CTNNA3: variants seen among roughly 807,000 people sequenced by gnomAD.
CTNNA3 encodes catenin alpha-3.
CTNNA3 carries 76 observed loss-of-function variants against 95.7 expected under a neutral mutation model. That is an observed-to-expected ratio of 0.79 (90% confidence interval 0.66 to 0.96). The LOEUF (loss-of-function observed/expected upper bound fraction) is 0.96, where lower values mean the gene tolerates loss of function less well. Among genes scored for constraint, CTNNA3 ranks in the 40% least tolerant of loss-of-function variants. The pLI is 0.00. For missense variants in CTNNA3, 1,191 were observed against 1,089.8 expected (o/e 1.09, Z -1.31); for synonymous variants, 431 against 374.4 (o/e 1.15, Z -1.74).
At chr10:66,146,939 A>G (rs557046774) in intron 13 of CTNNA3, among the ~76,000 whole-genome samples, 1 of 152,280 alleles carries the variant, frequency 6.6e-6, no homozygotes, top group South Asian at 2.1e-4. Context: ...AATAATATGA[A>G]AAGTTTTCCT....
chr10:66,394,861 C>A (rs2092962809), intron 11 of CTNNA3, among the ~76,000 whole-genome samples: 1 of 151,940 alleles, frequency 6.6e-6, no homozygotes, highest in Non-Finnish European at 1.5e-5. Context: ...TTTAAAATAA[C>A]CCCCTAGAGG....
At chr10:67,033,655 T>C (rs1024352113) in intron 7 of CTNNA3, among the ~76,000 whole-genome samples, 1 of 152,174 alleles carries the variant, frequency 6.6e-6, no homozygotes, top group South Asian at 2.1e-4. Context: ...ACTATTATTT[T>C]CCCCATTTTA....
intron 11 of CTNNA3, among the ~76,000 whole-genome samples, chr10:66,401,818 C>G (rs572579774): frequency 1.3e-5 from 2 of 151,818 alleles, no homozygotes; most frequent in Non-Finnish European, 2.9e-5. Flanking sequence ...ACCACCACAC[C>G]CAGCTAATTT....
At chr10:66,507,592 A>G (rs1840494945) in intron 11 of CTNNA3, among the ~76,000 whole-genome samples, 1 of 152,150 alleles carries the variant, frequency 6.6e-6, no homozygotes, top group African/African-American at 2.4e-5. Context: ...GAGTGAGAAC[A>G]TGCAATATTT....
intron 11 of CTNNA3, among the ~76,000 whole-genome samples, chr10:66,397,851 G>A (rs1431227225): frequency 6.6e-6 from 1 of 151,676 alleles, no homozygotes; most frequent in South Asian, 2.1e-4. Flanking sequence ...TGTATATCTT[G>A]GTCTTTATGA....
chr10:67,315,627 C>T (rs1010047098), intron 5 of CTNNA3, among the ~76,000 whole-genome samples: 27 of 151,854 alleles, frequency 1.8e-4, no homozygotes, highest in East Asian at 5.8e-4. Context: ...TCAGTAATAT[C>T]GAAATAATAG....
At chr10:67,298,851 G>A (rs1840149633) in intron 5 of CTNNA3, among the ~76,000 whole-genome samples, 2 of 151,990 alleles carry the variant, frequency 1.3e-5, no homozygotes, top group South Asian at 4.1e-4. Context: ...CATGCTCCAT[G>A]ACCCACATGT....
At chr10:66,361,207 AATCT>A (rs2092671933) in intron 12 of CTNNA3, among the ~76,000 whole-genome samples, 1 of 150,290 alleles carries the variant, frequency 6.7e-6, no homozygotes, top group Non-Finnish European at 1.5e-5. Flanking sequence ...GGGCTCAAGC[AATCT>A]ATCTGTCTCA....
intron 17 of CTNNA3, among the ~76,000 whole-genome samples, chr10:65,940,666 G>A (rs1786908): frequency 6.6e-6 from 1 of 151,904 alleles, no homozygotes; most frequent in African/African-American, 2.4e-5. Flanking sequence ...CCTTTATCCC[G>A]GCAGTGAAAC....
intron 11 of CTNNA3, among the ~76,000 whole-genome samples, chr10:66,490,614 T>G (rs1035626872): frequency 1.3e-5 from 2 of 152,180 alleles, no homozygotes; most frequent in Non-Finnish European, 1.5e-5. Context: ...TTGGGGAACA[T>G]TTCTACAGTA....
chr10:66,755,597 T>C (rs1839332858), intron 9 of CTNNA3, among the ~76,000 whole-genome samples: 1 of 152,116 alleles, frequency 6.6e-6, no homozygotes, highest in Non-Finnish European at 1.5e-5. Context: ...GGCAAGGGTG[T>C]GGAGCAACTG....
At chr10:66,685,283 A>ATT (rs1564617267) in intron 9 of CTNNA3, among the ~76,000 whole-genome samples, 1 of 27,430 alleles carries the variant, frequency 3.6e-5, no homozygotes, top group Non-Finnish European at 6.1e-5. Flanking sequence ...ACGTATATAT[A>ATT]AGTATATATA....
intron 12 of CTNNA3, among the ~76,000 whole-genome samples, chr10:66,285,203 T>C (rs2132172671): frequency 6.6e-6 from 1 of 151,986 alleles, no homozygotes; most frequent in South Asian, 2.1e-4. Flanking sequence ...ATCTGGAATA[T>C]CTTCAAAAAG....
At chr10:67,689,117 T>C (rs542533811) in intron 1 of CTNNA3, among the ~76,000 whole-genome samples, 1 of 152,268 alleles carries the variant, frequency 6.6e-6, no homozygotes, top group African/African-American at 2.4e-5. Context: ...TATTGGGACC[T>C]TACCACTGTC....
chr10:67,729,861 T>C (rs1841264880), intron 1 of CTNNA3, among the ~76,000 whole-genome samples: 1 of 152,148 alleles, frequency 6.6e-6, no homozygotes, highest in Non-Finnish European at 1.5e-5. Context: ...AATCGTTATG[T>C]CCATTTCACC....
intron 11 of CTNNA3, among the ~76,000 whole-genome samples, chr10:66,499,806 C>CTTTT (rs34040723): frequency 7.1e-5 from 10 of 140,668 alleles, no homozygotes; most frequent in African/African-American, 1.6e-4. Context: ...GTTGCATTTC[C>CTTTT]TTTTTTTTTT....
At chr10:67,557,192 T>C (rs963551892) in intron 3 of CTNNA3, among the ~76,000 whole-genome samples, 24 of 152,152 alleles carry the variant, frequency 1.6e-4, no homozygotes, top group African/African-American at 5.5e-4. Flanking sequence ...TTTTGGTATA[T>C]CTAAAAAAAG....
chr10:66,825,979 A>G (rs532017974), intron 7 of CTNNA3, among the ~76,000 whole-genome samples: 14 of 152,288 alleles, frequency 9.2e-5, no homozygotes, highest in African/African-American at 2.9e-4. Flanking sequence ...TATATATAAA[A>G]TTGCTTATAG....
In CTNNA3 at chr10:67,631,006, A is replaced by C. The variant is rs1343711308; in HGVS notation, c.99+16409T>G. ...TGATCTAGCAGTTTATATCCCCTTC[A>C]GAGAGTATACAACATAGAGATGTAA... On this transcript the variant is annotated intron_variant, in intron 2 of 17. Transcript: ENST00000433211. 2.0e-5 allele frequency among the ~76,000 whole-genome samples: 3 copies of C among 152,344 alleles called. No individual in the cohort carries two copies. In the East Asian group the frequency reaches 5.8e-4, roughly 29 times the overall value.
Sources: allele counts gnomAD v4.1 joint callset (sites outside exome capture counted in the v4.1 genomes callset), GRCh38; gene constraint gnomAD v4.1.1; transcripts MANE v1.5; gene names NCBI Gene and HGNC (gene_info 2026-07-23, HGNC 2026-07-21).